The following CDH13 variants were observed in gnomAD, a reference collection of about 807,000 sequenced individuals.
CDH13 encodes the protein cadherin-13.
Under a neutral mutation model 63.8 loss-of-function variants are expected in CDH13, and 24 were observed. That is an observed-to-expected ratio of 0.38 (90% CI 0.27 to 0.53). The LOEUF is 0.53. Ranked by LOEUF, CDH13 falls within the 20% of genes least tolerant of loss-of-function variation. CDH13 has a pLI of 0.85. For synonymous variants in CDH13, 503 were observed against 355.3 expected (o/e 1.42, Z -4.67); for missense variants, 1,049 against 903.1 (o/e 1.16, Z -2.07).
chr16:82,674,126 G>T (rs1194136129), intron 1 of CDH13, among the ~76,000 whole-genome samples: 1 of 152,096 alleles, frequency 6.6e-6, no homozygotes, highest in Non-Finnish European at 1.5e-5. Flanking sequence ...TGATATGGAT[G>T]GCAGACACTT....
chr16:82,884,426 G>A (rs1319086145), intron 2 of CDH13: 1 of 314,176 alleles, frequency 3.2e-6, no homozygotes. Context: ...AGTAGACAAA[G>A]CAAGATGCTT....
chr16:83,075,752 C>T (rs967202278), intron 3 of CDH13, among the ~76,000 whole-genome samples: 3 of 152,132 alleles, frequency 2.0e-5, no homozygotes, highest in Non-Finnish European at 2.9e-5. Flanking sequence ...AATACTTTGA[C>T]TTGTGCTTTG....
chr16:83,293,634 A>G (rs932670860), intron 5 of CDH13, among the ~76,000 whole-genome samples: 1 of 152,210 alleles, frequency 6.6e-6, no homozygotes, highest in African/African-American at 2.4e-5. Context: ...ATAAACCAGA[A>G]TGAAAACATA....
At chr16:83,186,842 C>T (rs2038541433) in intron 4 of CDH13, among the ~76,000 whole-genome samples, 1 of 152,172 alleles carries the variant, frequency 6.6e-6, no homozygotes, top group South Asian at 2.1e-4. Context: ...GGAGAAGGAG[C>T]TGAAGAAGTG....
chr16:83,549,697 A>G (rs2150668226), intron 7 of CDH13, among the ~76,000 whole-genome samples: 1 of 152,316 alleles, frequency 6.6e-6, no homozygotes, highest in Non-Finnish European at 1.5e-5. Context: ...ATGAGAAATC[A>G]AGTTAATGAA....
intron 1 of CDH13, among the ~76,000 whole-genome samples, chr16:82,627,828 C>T (rs990458975): frequency 1.2e-4 from 19 of 152,376 alleles, no homozygotes; most frequent in Admixed American, 7.8e-4. Flanking sequence ...CAGGCCCCAG[C>T]CCCCCGCACC....
At chr16:82,702,755 T>C (rs180853818) in intron 1 of CDH13, among the ~76,000 whole-genome samples, 57 of 152,334 alleles carry the variant, frequency 3.7e-4, no homozygotes, top group African/African-American at 1.3e-3. Context: ...TCTTCCTGAC[T>C]GATGGCCATT....
At chr16:83,075,405 G>A (rs1355182077) in intron 3 of CDH13, among the ~76,000 whole-genome samples, 2 of 152,168 alleles carry the variant, frequency 1.3e-5, no homozygotes, top group Non-Finnish European at 2.9e-5. Flanking sequence ...CATGTGAGCT[G>A]GGTTCTTCTT....
intron 4 of CDH13, among the ~76,000 whole-genome samples, chr16:83,159,370 T>C (rs1209745574): frequency 6.6e-6 from 1 of 152,236 alleles, no homozygotes; most frequent in Non-Finnish European, 1.5e-5. Context: ...ATCCACAGTT[T>C]TATTTTAGTC....
intron 2 of CDH13, among the ~76,000 whole-genome samples, chr16:82,886,514 A>G (rs187367866): frequency 1.3e-4 from 20 of 150,594 alleles, no homozygotes; most frequent in Admixed American, 2.6e-4. Context: ...TTTTTTGACC[A>G]TATTCATTTC....
At chr16:83,000,251 TTTTTTTTTTTTTTG>T (rs1912745963) in intron 2 of CDH13, among the ~76,000 whole-genome samples, 2 of 110,562 alleles carry the variant, frequency 1.8e-5, no homozygotes, top group African/African-American at 3.5e-5. Context: ...TTTTTTTTTT[TTTTTTTTTTTTTTG>T]AGACAGAGTT....
intron 5 of CDH13, among the ~76,000 whole-genome samples, chr16:83,239,643 G>C (rs559913916): frequency 9.2e-5 from 14 of 152,154 alleles, no homozygotes; most frequent in Non-Finnish European, 1.8e-4. Flanking sequence ...TTTTTCTGGA[G>C]CTAAATCTGT....
chr16:83,446,049 A>G (rs2072678178), intron 6 of CDH13, among the ~76,000 whole-genome samples: 1 of 152,154 alleles, frequency 6.6e-6, no homozygotes, highest in African/African-American at 2.4e-5. Context: ...CTGTAATCCC[A>G]GCACTTTGGG....
At chr16:82,844,932 G>A (rs1041970871) in intron 1 of CDH13, among the ~76,000 whole-genome samples, 1 of 151,982 alleles carries the variant, frequency 6.6e-6, no homozygotes, top group East Asian at 2.0e-4. Context: ...TGGGATTACA[G>A]GCGTGAGGCA....
At chr16:82,758,163 A>G (rs1213478300) in intron 1 of CDH13, among the ~76,000 whole-genome samples, 2 of 152,130 alleles carry the variant, frequency 1.3e-5, no homozygotes, top group Non-Finnish European at 2.9e-5. Flanking sequence ...CCTGGTCAAA[A>G]TTGAGGAATG....
At chr16:83,042,355 C>T (rs1395702954) in intron 3 of CDH13, among the ~76,000 whole-genome samples, 1 of 152,146 alleles carries the variant, frequency 6.6e-6, no homozygotes, top group Non-Finnish European at 1.5e-5. Context: ...AGTGTGAACC[C>T]TATTGTAAAT....
chr16:83,348,617 G>C (rs1046697347), intron 6 of CDH13, among the ~76,000 whole-genome samples: 1 of 152,204 alleles, frequency 6.6e-6, no homozygotes, highest in African/African-American at 2.4e-5. Flanking sequence ...ATTTTACACT[G>C]AGCGTCACAA....
chr16:82,825,449 A>G (rs2038198524), intron 1 of CDH13: 2 of 152,334 alleles, frequency 1.3e-5, no homozygotes, highest in African/African-American at 2.4e-5. Flanking sequence ...ACAAAATGAA[A>G]CAAGAACTTC....
chr16:83,726,937 G>A (rs968337001), intron 10 of CDH13, among the ~76,000 whole-genome samples: 1 of 151,936 alleles, frequency 6.6e-6, no homozygotes, highest in African/African-American at 2.4e-5. Context: ...GCCTTGTTTT[G>A]TTCTGTTTTA....
Sources: gnomAD v4.1 joint callset for allele counts (sites outside exome capture counted in the v4.1 genomes callset) on GRCh38, gnomAD v4.1.1 for gene constraint, MANE v1.5 for transcripts, NCBI Gene and HGNC (gene_info 2026-07-23, HGNC 2026-07-21) for gene names.